The following MPP7 variants were observed in gnomAD, a reference collection of about 807,000 sequenced individuals.
MPP7 encodes MAGUK p55 scaffold protein 7.
MPP7 carries 60 observed loss-of-function variants against 76.5 expected under a neutral mutation model. The ratio of observed to expected loss-of-function variants is 0.78; its 90% CI spans 0.64 to 0.97. The LOEUF is 0.97. Ranked by LOEUF, MPP7 falls within the 50% of genes least tolerant of loss-of-function variation. The pLI, the probability that MPP7 is intolerant of heterozygous loss-of-function variation, is 0.00. For synonymous variants in MPP7, 237 were observed against 244.5 expected, an observed-to-expected ratio of 0.97 and a Z score of 0.29; for missense variants, 641 against 694.0, an observed-to-expected ratio of 0.92 and a Z score of 0.86.
At chr10:28,323,242 G>A (rs550794159) in intron 2 of MPP7, among the ~76,000 whole-genome samples, 4 of 152,040 alleles carry the variant, frequency 2.6e-5, no homozygotes, top group Non-Finnish European at 5.9e-5. Flanking sequence ...CCAAGATCAG[G>A]CCACTGCACT....
chr10:28,323,039 C>A (rs900896348), intron 2 of MPP7, among the ~76,000 whole-genome samples: 1 of 152,030 alleles, frequency 6.6e-6, no homozygotes, highest in Admixed American at 6.6e-5. Flanking sequence ...GTAATCCCAG[C>A]GGTTTGGGAG....
chr10:28,057,602 CCT>C (rs1851608064), intron 15 of MPP7: 1 of 311,472 alleles, frequency 3.2e-6, no homozygotes, highest in Non-Finnish European at 4.1e-6. Context: ...GCCAATTAAA[CCT>C]CTTTTTTTTT....
chr10:28,218,490 C>T (rs1838387993), intron 2 of MPP7, among the ~76,000 whole-genome samples: 2 of 152,116 alleles, frequency 1.3e-5, no homozygotes, highest in African/African-American at 4.8e-5. Flanking sequence ...GATTGGCTAA[C>T]TAATGTTAAA....
Position 28,051,517 on chromosome 10 carries a change from T to C in MPP7, c.*2548A>G, listed in dbSNP as rs1271926168. ...TTTTTGGTCTTGATTTTTAAATATA[T>C]GAATTTTAAAAAGTGAACGTTCCTC... On this transcript the variant is annotated 3_prime_UTR_variant, in exon 17 of 17. Coordinates refer to ENST00000683449, the MANE Select transcript of MPP7 (RefSeq NM_001318170.2). The C allele has an allele frequency of 6.6e-6, 1 of 152,170 alleles. No homozygotes were observed. Among genetic ancestry groups the C allele is most frequent in the Non-Finnish European group, 1.5e-5 (1 of 68,020 alleles). 9.4% of individuals were successfully genotyped at this position (152,170 alleles called of 1,614,324 possible). A position where few individuals can be genotyped will look rare whatever the true frequency, so the allele number is the denominator to read the frequency against.
At position 28,051,103 on chromosome 10, in the gene MPP7, G is replaced by A. The variant is rs1010476853; in HGVS notation, c.*2962C>T. On this transcript the variant is annotated 3_prime_UTR_variant, in exon 17 of 17. Coordinates refer to ENST00000683449, the MANE Select transcript of MPP7 (RefSeq NM_001318170.2). ...TTCTACCATGGGAAATAGTATAATG[G>A]AATAGATCACAATAGTAGTATAATA... 5.3e-5 allele frequency: 8 copies of A among 152,112 alleles called. No individual in the cohort carries two copies. The highest frequency in any genetic ancestry group is 4.6e-4 in the Admixed American group (7 of 15,272). The allele number at this position is 152,112 out of a possible 1,614,324, so 9.4% of individuals were successfully genotyped here. A position where few individuals can be genotyped will look rare whatever the true frequency, so the allele number is the denominator to read the frequency against.
intron 2 of MPP7, among the ~76,000 whole-genome samples, chr10:28,315,798 G>A (rs143543550): frequency 2.6e-5 from 4 of 152,168 alleles, no homozygotes; most frequent in African/African-American, 4.8e-5. Flanking sequence ...AAGGTGGGGC[G>A]GGGAGAGTAA....
At chr10:28,254,764 T>C (rs1839731381) in intron 1 of MPP7, 1 of 152,196 alleles carries the variant, frequency 6.6e-6, no homozygotes, top group Non-Finnish European at 1.5e-5. Flanking sequence ...AAACTTGCCA[T>C]CTTACTCACC....
At chr10:28,227,214 AAAG>A (rs1446011539) in intron 2 of MPP7, among the ~76,000 whole-genome samples, 3 of 152,190 alleles carry the variant, frequency 2.0e-5, no homozygotes, top group African/African-American at 7.2e-5. Context: ...TTACTCCCAA[AAAG>A]AAGGTTTTCC....
chr10:28,125,650 A>G (rs570255090), intron 6 of MPP7, among the ~76,000 whole-genome samples: 2 of 152,144 alleles, frequency 1.3e-5, no homozygotes, highest in African/African-American at 2.4e-5. Context: ...ATAAAGAAAA[A>G]GAAAAAAGTT....
chr10:28,117,063 C>T (rs1466575318), intron 11 of MPP7, among the ~76,000 whole-genome samples: 1 of 152,016 alleles, frequency 6.6e-6, no homozygotes, highest in Non-Finnish European at 1.5e-5. Context: ...TAACTGAAAC[C>T]CTATAGTTCC....
chr10:28,061,184 A>C (rs951472100), intron 13 of MPP7, among the ~76,000 whole-genome samples: 10 of 152,132 alleles, frequency 6.6e-5, no homozygotes, highest in African/African-American at 1.4e-4. Flanking sequence ...CAAAACAAAA[A>C]AAACACCAAT....
chr10:28,295,052 C>T (rs1347420519), intron 1 of MPP7, among the ~76,000 whole-genome samples: 1 of 152,118 alleles, frequency 6.6e-6, no homozygotes, highest in Non-Finnish European at 1.5e-5. Context: ...ACCTCCCCTC[C>T]CAGACCGACT....
intron 2 of MPP7, among the ~76,000 whole-genome samples, chr10:28,324,474 G>GA (rs1834393697): frequency 6.6e-6 from 1 of 152,196 alleles, no homozygotes; most frequent in African/African-American, 2.4e-5. Context: ...CTTGGCACAT[G>GA]TTGTCACTCA....
chr10:28,175,021 T>C (rs1937810), intron 3 of MPP7, among the ~76,000 whole-genome samples: 29,264 of 152,078 alleles, frequency 0.19, 3,194 homozygotes, highest in East Asian at 0.43. Context: ...TGGCTGAGCA[T>C]GGTGGCTCAT....
intron 2 of MPP7, among the ~76,000 whole-genome samples, chr10:28,217,230 T>C (rs1479952035): frequency 2.0e-5 from 3 of 151,872 alleles, no homozygotes; most frequent in Non-Finnish European, 4.4e-5. Context: ...TACTCAGAAG[T>C]CAGAAAAACT....
intron 3 of MPP7, among the ~76,000 whole-genome samples, chr10:28,169,885 GTTTC>G (rs1466152170): frequency 1.3e-5 from 2 of 152,080 alleles, no homozygotes; most frequent in African/African-American, 4.8e-5. Context: ...TGACAGTTTT[GTTTC>G]TTTCTTTCTA....
chr10:28,091,251 C>G (rs1007181168), intron 11 of MPP7, among the ~76,000 whole-genome samples: 3 of 150,860 alleles, frequency 2.0e-5, no homozygotes, highest in Non-Finnish European at 4.4e-5. Flanking sequence ...ACATTCTCTT[C>G]AAAAAGAATA....
At chr10:28,097,522 G>C (rs924611834) in intron 11 of MPP7, among the ~76,000 whole-genome samples, 1 of 152,000 alleles carries the variant, frequency 6.6e-6, no homozygotes. Flanking sequence ...AACAAAGATG[G>C]CCAAAGCTTT....
intron 2 of MPP7, among the ~76,000 whole-genome samples, chr10:28,235,817 T>A (rs1291394243): frequency 6.6e-6 from 1 of 152,186 alleles, no homozygotes; most frequent in East Asian, 1.9e-4. Context: ...ATGTTATTAT[T>A]TAAGGAATAA....
Sources: gnomAD v4.1 joint callset for allele counts (sites outside exome capture counted in the v4.1 genomes callset) on GRCh38, gnomAD v4.1.1 for gene constraint, MANE v1.5 for transcripts, NCBI Gene and HGNC (gene_info 2026-07-23, HGNC 2026-07-21) for gene names.